ZCWPW2: variants seen among roughly 807,000 people sequenced by gnomAD.
ZCWPW2 encodes the protein zinc finger CW-type PWWP domain protein 2.
A neutral mutation model predicts 46.6 loss-of-function variants in ZCWPW2; 45 were observed. That is an observed-to-expected ratio of 0.96 (90% confidence interval 0.76 to 1.24). The LOEUF (loss-of-function observed/expected upper bound fraction) is 1.24, where lower values mean the gene tolerates loss of function less well. Among genes scored for constraint, ZCWPW2 ranks in the 50% most tolerant of loss-of-function variants. ZCWPW2 has a pLI of 0.00. For synonymous variants in ZCWPW2, 152 were observed against 137.1 expected (o/e 1.11, Z -0.76); for missense variants, 429 against 403.9 (o/e 1.06, Z -0.53).
Position 28,413,263 on chromosome 3 carries a change from T to C in ZCWPW2, c.195T>C (p.Asp65=). ...DEPWYCFMNT[D]SRYNNCSISE... ...CATGGTACTGCTTCATGAACACTGATTCAAGATATAATAACTGCTCAATTT... is the reference window on the plus strand; with the variant it reads ...CATGGTACTGCTTCATGAACACTGACTCAAGATATAATAACTGCTCAATTT... Residue 65 remains aspartate, a synonymous_variant, in exon 3 of 10, where the codon GAT becomes GAC. Transcript: ENST00000383768. The C allele has an allele frequency of 6.2e-7, 1 of 1,613,352 alleles. No homozygotes were observed. Among genetic ancestry groups the C allele is most frequent in the Non-Finnish European group, 8.5e-7 (1 of 1,179,538 alleles).
At chr3:28,518,562 T>C (rs1034221304) in intron 8 of ZCWPW2, among the ~76,000 whole-genome samples, 5 of 152,212 alleles carry the variant, frequency 3.3e-5, no homozygotes, top group African/African-American at 1.2e-4. Context: ...ACTTATGAAG[T>C]CATCCATTAC....
intron 1 of ZCWPW2, among the ~76,000 whole-genome samples, chr3:28,375,256 T>C (rs1293791793): frequency 6.6e-6 from 1 of 152,058 alleles, no homozygotes; most frequent in African/African-American, 2.4e-5. Context: ...AGTGAGTTTC[T>C]TGTAGGCTGT....
chr3:28,395,952 G>T (rs1375892746), intron 2 of ZCWPW2, among the ~76,000 whole-genome samples: 1 of 151,998 alleles, frequency 6.6e-6, no homozygotes, highest in Non-Finnish European at 1.5e-5. Context: ...CTTGATTGTG[G>T]TAAGTATTTT....
rs150238322 is a variant in ZCWPW2 at position 28,508,724 on chromosome 3, C to T, written c.658-5340C>T. 8.2e-3 allele frequency among the ~76,000 whole-genome samples: 1,246 copies of T among 152,196 alleles called. 21 individuals are homozygous for T. The highest frequency in any genetic ancestry group is 0.028 in the African/African-American group (1,180 of 41,538). On this transcript the variant is annotated intron_variant, in intron 6 of 9. Transcript: ENST00000383768. The stretch of plus-strand genomic sequence containing the variant: ...TGTACTTTTAGTAGAGACGGGGTTT[C>T]ACCTTGTTGGCCAGGCTTGTCTTGA...
At position 28,525,526 on chromosome 3, in the gene ZCWPW2, TG is replaced by T. The variant is rs1422257173; in HGVS notation, c.*842del. On this transcript the variant is annotated 3_prime_UTR_variant, in exon 10 of 10. Transcript: ENST00000383768. ...TCTATCTCTTTCTGGTGGTACGGGGTGGGGAAAAGGGCATTCCAAGCACATA... is the reference window on the plus strand; with the variant it reads ...TCTATCTCTTTCTGGTGGTACGGGGTGGGAAAAGGGCATTCCAAGCACATA... Among the ~76,000 whole-genome samples, 1 of 151,716 alleles carries T rather than the reference TG, an allele frequency of 6.6e-6. No individual in the cohort carries two copies. Among genetic ancestry groups the T allele is most frequent in the Non-Finnish European group, 1.5e-5 (1 of 67,958 alleles).
At chr3:28,359,799 CT>C (rs1183959402) in intron 1 of ZCWPW2, among the ~76,000 whole-genome samples, 2 of 152,084 alleles carry the variant, frequency 1.3e-5, no homozygotes, top group South Asian at 2.1e-4. Context: ...AAGATAGTGT[CT>C]TTTTTTCCCC....
rs866025431 is a variant in ZCWPW2 at position 28,517,022 on chromosome 3, A to T, written c.784+1401A>T. ...AAGGATGAAGTAGTTATTTTTAAAAAATAACTTCTTTTTTTACATCCAGAA... is the reference window on the plus strand; with the variant it reads ...AAGGATGAAGTAGTTATTTTTAAAATATAACTTCTTTTTTTACATCCAGAA... On this transcript the variant is annotated intron_variant, in intron 8 of 9. Coordinates refer to ENST00000383768, the MANE Select transcript of ZCWPW2 (RefSeq NM_001040432.4). Among the ~76,000 whole-genome samples, 14 of 152,266 alleles carry T rather than the reference A, an allele frequency of 9.2e-5. 1 individual carries two copies. In the South Asian group the frequency reaches 2.9e-3, roughly 32 times the overall value.
At position 28,519,257 on chromosome 3, in the gene ZCWPW2, T is replaced by C. The variant is rs544635965; in HGVS notation, c.785-1735T>C. Among the ~76,000 whole-genome samples, 23 of 152,310 alleles carry C rather than the reference T, an allele frequency of 1.5e-4. No homozygotes were observed. The South Asian group carries it at 4.3e-3, about 29-fold the overall frequency. On this transcript the variant is annotated intron_variant, in intron 8 of 9. Coordinates refer to ENST00000383768, the MANE Select transcript of ZCWPW2 (RefSeq NM_001040432.4). ...AAACTATTTTGAAAGAGGTTTTCCA[T>C]AGAGAAAACCTGAAATTGACTAGAA...
chr3:28,374,935 A>G (rs1705454302), intron 1 of ZCWPW2, among the ~76,000 whole-genome samples: 2 of 151,840 alleles, frequency 1.3e-5, no homozygotes, highest in South Asian at 2.1e-4. Flanking sequence ...GTTCCTTACT[A>G]TTATTATATT....
At chr3:28,425,439 T>A (rs907504855) in intron 3 of ZCWPW2, among the ~76,000 whole-genome samples, 2 of 152,194 alleles carry the variant, frequency 1.3e-5, no homozygotes, top group African/African-American at 4.8e-5. Flanking sequence ...ATATTAGATC[T>A]TAATTAAGCA....
intron 2 of ZCWPW2, among the ~76,000 whole-genome samples, chr3:28,411,960 A>T (rs1421672884): frequency 6.6e-6 from 1 of 152,026 alleles, no homozygotes; most frequent in Non-Finnish European, 1.5e-5. Flanking sequence ...GAGTGGGATT[A>T]GTAGGTCAAA....
chr3:28,470,900 A>C (rs993477385), intron 4 of ZCWPW2, among the ~76,000 whole-genome samples: 1 of 152,156 alleles, frequency 6.6e-6, no homozygotes, highest in Non-Finnish European at 1.5e-5. Context: ...CCCAATAAAT[A>C]AAATCAGAGA....
intron 6 of ZCWPW2, among the ~76,000 whole-genome samples, chr3:28,503,667 T>A (rs1186604686): frequency 6.6e-6 from 1 of 151,802 alleles, no homozygotes. Flanking sequence ...GGGAGAGATA[T>A]CACTGGAAAA....
chr3:28,425,421 A>G (rs1266484511), intron 3 of ZCWPW2, among the ~76,000 whole-genome samples: 1 of 152,230 alleles, frequency 6.6e-6, no homozygotes, highest in Non-Finnish European at 1.5e-5. Flanking sequence ...TTAACCAACT[A>G]GAAACAAATA....
intron 4 of ZCWPW2, among the ~76,000 whole-genome samples, chr3:28,477,920 T>C (rs1417439220): frequency 1.3e-5 from 2 of 152,114 alleles, no homozygotes; most frequent in African/African-American, 2.4e-5. Context: ...GAAAACATTA[T>C]TGGACTAGGT....
chr3:28,446,338 CA>C (rs1697990085), intron 4 of ZCWPW2, among the ~76,000 whole-genome samples: 2 of 151,928 alleles, frequency 1.3e-5, no homozygotes, highest in Admixed American at 1.3e-4. Context: ...TCTCGGACCA[CA>C]ATGAAATGAA....
intron 2 of ZCWPW2, among the ~76,000 whole-genome samples, chr3:28,395,515 A>G (rs993333087): frequency 6.6e-6 from 1 of 152,206 alleles, no homozygotes; most frequent in Non-Finnish European, 1.5e-5. Context: ...ACTAATGTCC[A>G]TCAACAGACA....
chr3:28,396,495 A>G (rs1695704007), intron 2 of ZCWPW2, among the ~76,000 whole-genome samples: 1 of 152,206 alleles, frequency 6.6e-6, no homozygotes, highest in Non-Finnish European at 1.5e-5. Context: ...TCAGTATTGC[A>G]GTCTTATAAG....
chr3:28,453,422 G>A (rs572995152), intron 4 of ZCWPW2, among the ~76,000 whole-genome samples: 1 of 152,184 alleles, frequency 6.6e-6, no homozygotes, highest in Non-Finnish European at 1.5e-5. Flanking sequence ...TGGAACAGGT[G>A]GCTACCTTTT....
Sources: allele counts gnomAD v4.1 joint callset (sites outside exome capture counted in the v4.1 genomes callset), GRCh38; gene constraint gnomAD v4.1.1; transcripts MANE v1.5; gene names NCBI Gene and HGNC (gene_info 2026-07-23, HGNC 2026-07-21).